The following BMPR1B variants were observed in gnomAD, a reference collection of about 807,000 sequenced individuals.
BMPR1B encodes the protein bone morphogenetic protein receptor type 1B, also known as bone morphogenetic protein receptor type-1B.
In BMPR1B, 12 loss-of-function variants were observed where a neutral mutation model predicts 59.1. The ratio of observed to expected loss-of-function variants is 0.20; its 90% CI spans 0.13 to 0.33. BMPR1B has a LOEUF of 0.33. Ranked by LOEUF, BMPR1B falls within the 10% of genes least tolerant of loss-of-function variation. The pLI is 1.00. For missense variants in BMPR1B, 550 were observed against 610.9 expected, an observed-to-expected ratio of 0.90 and a Z score of 1.05; for synonymous variants, 237 against 207.3, an observed-to-expected ratio of 1.14 and a Z score of -1.23.
chr4:95,107,869 T>G (rs1731303572), intron 4 of BMPR1B, among the ~76,000 whole-genome samples: 1 of 152,066 alleles, frequency 6.6e-6, no homozygotes, highest in Non-Finnish European at 1.5e-5. Flanking sequence ...AATCTTCCTG[T>G]GAGCTGAGAT....
intron 2 of BMPR1B, among the ~76,000 whole-genome samples, chr4:94,980,330 A>G (rs17343504): frequency 0.083 from 12,696 of 152,246 alleles, 570 homozygotes; most frequent in Middle Eastern, 0.17. Flanking sequence ...TACTTATTTC[A>G]TGTTGTAGCC....
intron 1 of BMPR1B, among the ~76,000 whole-genome samples, chr4:94,767,316 GAACAAAC>G (rs1255104008): frequency 6.6e-6 from 1 of 152,096 alleles, no homozygotes; most frequent in Non-Finnish European, 1.5e-5. Context: ...TAATATGTAG[GAACAAAC>G]ATTGTCTCTA....
At chr4:95,039,476 A>G (rs1175151042) in intron 3 of BMPR1B, among the ~76,000 whole-genome samples, 1 of 147,032 alleles carries the variant, frequency 6.8e-6, no homozygotes, top group East Asian at 2.0e-4. Context: ...ACCAATCCCC[A>G]GTGTTCTGAA....
At chr4:94,948,198 T>G (rs1188946362) in intron 2 of BMPR1B, among the ~76,000 whole-genome samples, 2 of 152,196 alleles carry the variant, frequency 1.3e-5, no homozygotes, top group Non-Finnish European at 2.9e-5. Flanking sequence ...TTTCTCTAAC[T>G]TTAGTTGTGT....
intron 1 of BMPR1B, among the ~76,000 whole-genome samples, chr4:94,858,686 G>A (rs761518998): frequency 3.0e-4 from 45 of 152,168 alleles, no homozygotes; most frequent in Non-Finnish European, 4.1e-4. Flanking sequence ...TACAACTCTT[G>A]TTATTTGTAT....
intron 1 of BMPR1B, among the ~76,000 whole-genome samples, chr4:94,871,002 G>T (rs1398282691): frequency 6.6e-6 from 1 of 151,856 alleles, no homozygotes; most frequent in African/African-American, 2.4e-5. Context: ...TTTTTGGCGG[G>T]GGGGCGGGGT....
At chr4:95,115,814 A>T in intron 6 of BMPR1B, 27 bp downstream of exon 6, 1 of 1,557,086 alleles carries the variant, frequency 6.4e-7, no homozygotes, top group Non-Finnish European at 8.9e-7. Context: ...TCCAGCCTGG[A>T]AAATCACTAG....
At chr4:94,758,686 C>T (rs1210767659) in intron 1 of BMPR1B, among the ~76,000 whole-genome samples, 1 of 151,974 alleles carries the variant, frequency 6.6e-6, no homozygotes, top group African/African-American at 2.4e-5. Context: ...TGTCTCTTCT[C>T]CTCTCTCTCC....
chr4:95,004,952 C>T (rs1299671972), intron 3 of BMPR1B, among the ~76,000 whole-genome samples: 1 of 152,128 alleles, frequency 6.6e-6, no homozygotes, highest in Non-Finnish European at 1.5e-5. Context: ...TAATACCTCA[C>T]ATGTAATTAT....
rs927179540 is a variant in BMPR1B, at chr4:95,154,772, C to T, written c.*99C>T. ...TCAAATAAGCATCCACAGTACAAGC[C>T]TTGAACATCGTCCTGCTTCCCAGTG... On this transcript the variant is annotated 3_prime_UTR_variant, in exon 13 of 13. Transcript: ENST00000515059. 6.5e-7 allele frequency: 1 copy of T among 1,542,770 alleles called. No individual in the cohort carries two copies. The highest frequency in any genetic ancestry group is 1.1e-5 in the South Asian group (1 of 87,772).
intron 3 of BMPR1B, among the ~76,000 whole-genome samples, chr4:95,017,514 G>T (rs1237195719): frequency 6.6e-6 from 1 of 152,184 alleles, no homozygotes; most frequent in African/African-American, 2.4e-5. Flanking sequence ...TTCAGTTCTT[G>T]GGCTTCACCC....
intron 3 of BMPR1B, among the ~76,000 whole-genome samples, chr4:95,093,632 A>T (rs1730159983): frequency 1.3e-5 from 2 of 151,898 alleles, no homozygotes; most frequent in African/African-American, 2.4e-5. Context: ...GTATCACATA[A>T]AATGTTTGAG....
chr4:94,825,635 C>T (rs905070182), intron 1 of BMPR1B, among the ~76,000 whole-genome samples: 1 of 152,018 alleles, frequency 6.6e-6, no homozygotes, highest in Non-Finnish European at 1.5e-5. Flanking sequence ...TTTGATTTTC[C>T]TAAACCACCA....
chr4:95,089,481 T>G (rs1279561826), intron 3 of BMPR1B, among the ~76,000 whole-genome samples: 1 of 152,038 alleles, frequency 6.6e-6, no homozygotes, highest in Non-Finnish European at 1.5e-5. Context: ...GAAAGAAAAT[T>G]TACAGGTAAA....
At chr4:94,992,895 C>T (rs1430665843) in intron 2 of BMPR1B, among the ~76,000 whole-genome samples, 2 of 151,540 alleles carry the variant, frequency 1.3e-5, no homozygotes, top group Non-Finnish European at 2.9e-5. Context: ...TTTTTTTCCC[C>T]CTAAAGAGAT....
At chr4:94,836,152 T>C (rs1197612856) in intron 1 of BMPR1B, among the ~76,000 whole-genome samples, 1 of 148,888 alleles carries the variant, frequency 6.7e-6, no homozygotes, top group Admixed American at 6.7e-5. Context: ...CTTAATCCAG[T>C]CTGTCATTGT....
chr4:94,910,972 CTT>C (rs1490234176), intron 2 of BMPR1B, among the ~76,000 whole-genome samples: 1 of 152,094 alleles, frequency 6.6e-6, no homozygotes, highest in Non-Finnish European at 1.5e-5. Flanking sequence ...TAAAAAAGGA[CTT>C]ATTAAATTGA....
intron 7 of BMPR1B, 96 bp downstream of exon 7, chr4:95,124,002 T>C: frequency 1.2e-6 from 1 of 807,618 alleles, no homozygotes. Context: ...TCACCACAGC[T>C]TTATTTATCT....
At chr4:94,892,135 C>G (rs1010133946) in intron 2 of BMPR1B, among the ~76,000 whole-genome samples, 3 of 151,944 alleles carry the variant, frequency 2.0e-5, no homozygotes, top group Admixed American at 6.6e-5. Flanking sequence ...GGTTTGGTGC[C>G]AGGTCTAAAT....
Sources: gnomAD v4.1 joint callset for allele counts (sites outside exome capture counted in the v4.1 genomes callset) on GRCh38, gnomAD v4.1.1 for gene constraint, MANE v1.5 for transcripts, NCBI Gene and HGNC (gene_info 2026-07-23, HGNC 2026-07-21) for gene names.